PCK2: variants seen among roughly 807,000 people sequenced by gnomAD.
PCK2 encodes phosphoenolpyruvate carboxykinase [GTP], mitochondrial.
In PCK2, 56 loss-of-function variants were observed where a neutral mutation model predicts 65.9. The ratio of observed to expected loss-of-function variants is 0.85; its 90% CI spans 0.69 to 1.06. The LOEUF is 1.06. PCK2 is among the 50% of genes least tolerant of loss of function. The probability of loss-of-function intolerance (pLI) is 0.00; values close to 1 mark genes in which losing one functional copy is unlikely to be tolerated. For synonymous variants in PCK2, 305 were observed against 319.6 expected, an observed-to-expected ratio of 0.95 and a Z score of 0.49; for missense variants, 843 against 863.1, an observed-to-expected ratio of 0.98 and a Z score of 0.29.
chr14:24,094,664 C>G lies in PCK2; in HGVS notation c.29+230C>G. 6.6e-7 allele frequency: 1 copy of G among 1,512,200 alleles called. No individual in the cohort carries two copies. The highest frequency in any genetic ancestry group is 8.8e-7 in the Non-Finnish European group (1 of 1,132,748). The allele number at this position is 1,512,200 out of a possible 1,614,324, so 93.7% of individuals were successfully genotyped here. On this transcript the variant is annotated intron_variant, in intron 1 of 9. Transcript: ENST00000216780. This position sits in a 1 kb window ranked among gnomAD's most constrained non-coding sequence, Gnocchi z 4.1. ...CACCTCCCCTTCTCTGCCTCGCTCG[C>G]CTCTGACCGCGCGATCTCTATCTGC...
chr14:24,097,104 G>A lies in PCK2; in HGVS notation c.242G>A (p.Gly81Asp), dbSNP rs2138940435. 3 of 1,613,926 alleles carry A rather than the reference G, an allele frequency of 1.9e-6. No homozygotes were observed. The highest frequency in any genetic ancestry group is 2.5e-6 in the Non-Finnish European group (3 of 1,179,946). ...TATLTLLEQQGLIRKLPKYNN... is the reference protein window; with the variant it reads ...TATLTLLEQQDLIRKLPKYNN... ...ACACTGACCCTGCTGGAGCAGCAGG[G>A]CCTCATCCGAAAGCTCCCCAAGTAC... Residue 81 changes from glycine to aspartate, a missense_variant, in exon 2 of 10, where the codon GGC (glycine) becomes GAC (aspartate). Coordinates refer to ENST00000216780, the MANE Select transcript of PCK2 (RefSeq NM_004563.4).
chr14:24,104,062 C>T lies in PCK2; in HGVS notation c.*98C>T. The T allele has an allele frequency of 2.6e-6, 2 of 768,626 alleles. No homozygotes were observed. The highest frequency in any genetic ancestry group is 3.3e-5 in the South Asian group (2 of 59,840). The allele number at this position is 768,626 out of a possible 1,614,324, so 47.6% of individuals were successfully genotyped here. ...TGAGCAATTTGATATTAACTAACAT[C>T]TTCAATGTGCCATAGACCTTCCCAC... is the stretch of plus-strand genomic sequence containing the variant. On this transcript the variant is annotated 3_prime_UTR_variant, in exon 10 of 10. Transcript: ENST00000216780.
intron 7 of PCK2, chr14:24,100,473 T>C: frequency 2.4e-6 from 2 of 838,340 alleles, no homozygotes; most frequent in Non-Finnish European, 3.4e-6. Context: ...GTTGTGATAG[T>C]ACCTATCTCA....
chr14:24,099,851 C>T, intron 6 of PCK2, 131 bp downstream of exon 6: 4 of 1,542,532 alleles, frequency 2.6e-6, no homozygotes, highest in Non-Finnish European at 3.6e-6. Flanking sequence ...ATTCCTCTGG[C>T]AGCCCAGCCA....
intron 1 of PCK2, 94 bp from the exon 2 acceptor site, chr14:24,096,798 A>G: frequency 9.3e-7 from 1 of 1,081,010 alleles, no homozygotes; most frequent in Non-Finnish European, 1.4e-6. Context: ...GACATGTTTT[A>G]GCAGGCTGCA....
At chr14:24,098,792 TC>T in intron 4 of PCK2, 114 bp downstream of exon 4, 1 of 894,678 alleles carries the variant, frequency 1.1e-6, no homozygotes, top group Non-Finnish European at 1.7e-6. Flanking sequence ...GCAACCTAAT[TC>T]CCAAGATCCA....
intron 4 of PCK2, 138 bp downstream of exon 4, chr14:24,098,816 C>A: frequency 1.3e-6 from 1 of 782,516 alleles, no homozygotes; most frequent in South Asian, 1.6e-5. Flanking sequence ...GCAGCAGTCC[C>A]AGCAGAGGGA....
intron 1 of PCK2, chr14:24,095,056 C>T (rs915342719): frequency 2.2e-6 from 1 of 447,162 alleles, no homozygotes; most frequent in South Asian, 1.6e-5. Flanking sequence ...CTTCTTCCTC[C>T]GTCCAGGCCT....
chr14:24,103,970 G>T lies in PCK2; in HGVS notation c.*6G>T. The stretch of plus-strand genomic sequence containing the variant: ...GACGTGTGCACAAAATGTGACCTGA[G>T]GCCCTAGTCTAGCAAGAGGACATAG... On this transcript the variant is annotated 3_prime_UTR_variant, in exon 10 of 10. Transcript: ENST00000216780. 6.2e-7 allele frequency: 1 copy of T among 1,609,144 alleles called. No homozygotes were observed. Among genetic ancestry groups the T allele is most frequent in the East Asian group, 2.2e-5 (1 of 44,846 alleles).
intron 2 of PCK2, 57 bp from the exon 3 acceptor site, chr14:24,098,146 C>A (rs1037669148): frequency 3.6e-5 from 53 of 1,491,542 alleles, no homozygotes; most frequent in East Asian, 4.6e-5. Flanking sequence ...AAAAGTGGGT[C>A]TAGGGACAAG....
chr14:24,094,361 G>A lies in PCK2; in HGVS notation c.-45G>A. 1 of 1,519,086 alleles carries A rather than the reference G, an allele frequency of 6.6e-7. No homozygotes were observed. The highest frequency in any genetic ancestry group is 8.9e-7 in the Non-Finnish European group (1 of 1,129,310). 94.1% of individuals were successfully genotyped at this position (1,519,086 alleles called of 1,614,324 possible). On this transcript the variant is annotated 5_prime_UTR_variant, in exon 1 of 10. Transcript: ENST00000216780. The surrounding 1 kb of genome is among the most constrained non-coding windows in gnomAD (Gnocchi z 4.1). ...CTTCCCCGCCTTCCATACCTCCCCG[G>A]CTCCGCTCGGTTCCTGGCCACCCCG...
intron 1 of PCK2, among the ~76,000 whole-genome samples, chr14:24,096,333 G>A (rs1446987839): frequency 6.8e-6 from 1 of 146,062 alleles, no homozygotes; most frequent in Non-Finnish European, 1.5e-5. Context: ...CCACCTCCCG[G>A]GTTCAAGCGA....
At chr14:24,097,209 A>G (rs1250499837) in intron 2 of PCK2, 72 bp downstream of exon 2, 6 of 1,377,100 alleles carry the variant, frequency 4.4e-6, no homozygotes, top group Non-Finnish European at 6.2e-6. Context: ...GGCAAAATCA[A>G]CTTAACTAGA....
chr14:24,098,648 C>G lies in PCK2; in HGVS notation c.634C>G (p.His212Asp). The G allele has an allele frequency of 6.2e-7, 1 of 1,613,920 alleles. No individual in the cohort carries two copies. The highest frequency in any genetic ancestry group is 8.5e-7 in the Non-Finnish European group (1 of 1,180,004). Reference protein sequence around the residue: ...LGDGDFVKCLHSVGQPLTGQG... With the variant: ...LGDGDFVKCLDSVGQPLTGQG... ...AGATGGTGACTTTGTCAAGTGTCTG[C>G]ACTCCGTGGGCCAGCCCCTGACAGG... The change falls in exon 4 of 10, where the codon CAC (histidine) becomes GAC (aspartate). Residue 212 changes from histidine (H) to aspartate (D), a missense_variant. His to Asp is a moderately conservative substitution (Grantham distance 81). Coordinates refer to ENST00000216780, the MANE Select transcript of PCK2 (RefSeq NM_004563.4).
Position 24,098,469 on chromosome 14 carries a change from C to A in PCK2, c.461-6C>A. 1 of 1,613,952 alleles carries A rather than the reference C, an allele frequency of 6.2e-7. No homozygotes were observed. Among genetic ancestry groups the A allele is most frequent in the Non-Finnish European group, 8.5e-7 (1 of 1,179,922 alleles). ...CCCTTCATCCAGGGGATGCCTTCCT[C>A]CACAGGCCGCACCATGTATGTGCTT... On this transcript the variant is annotated splice_region_variant and splice_polypyrimidine_tract_variant and intron_variant, in intron 3 of 9. Transcript: ENST00000216780.
Position 24,094,472 on chromosome 14 carries a change from C to T in PCK2, c.29+38C>T, listed in dbSNP as rs76987776. On this transcript the variant is annotated intron_variant, in intron 1 of 9. Transcript: ENST00000216780. The surrounding 1 kb of genome is among the most constrained non-coding windows in gnomAD (Gnocchi z 4.1). ...CGGCCCGGGGCCCACCCGCACCTTC[C>T]GCTGCGCTCGCCCCCTCGGGGCTGC... 0.034 allele frequency: 51,054 copies of T among 1,501,146 alleles called. 3,310 individuals carry two copies. Among genetic ancestry groups the T allele is most frequent in the East Asian group, 0.22 (8,657 of 39,560 alleles). 93.0% of individuals were successfully genotyped at this position (1,501,146 alleles called of 1,614,324 possible).
At position 24,098,268 on chromosome 14, in the gene PCK2, C is replaced by T. The variant is rs2036985808; in HGVS notation, c.341C>T (p.Pro114Leu). 6.2e-7 allele frequency: 1 copy of T among 1,613,998 alleles called. No homozygotes were observed. ...RVESKTVIVT[P>L]SQRDTVPLPP... ...GAGAGCAAGACGGTGATTGTAACTCCTTCTCAGCGGGACACGGTACCACTC... is the reference window on the plus strand; with the variant it reads ...GAGAGCAAGACGGTGATTGTAACTCTTTCTCAGCGGGACACGGTACCACTC... The change falls in exon 3 of 10, where the codon CCT (proline) becomes CTT (leucine). Residue 114 changes from proline to leucine, a missense_variant. Physicochemically the swap from Pro to Leu is moderately conservative, Grantham distance 98. Transcript: ENST00000216780.
Position 24,098,385 on chromosome 14 carries a change from A to G in PCK2, c.458A>G (p.Gln153Arg), listed in dbSNP as rs1220808082. The G allele has an allele frequency of 1.9e-6, 3 of 1,611,866 alleles. No homozygotes were observed. The highest frequency in any genetic ancestry group is 1.7e-6 in the Non-Finnish European group (2 of 1,178,224). The change falls in exon 3 of 10, where the codon CAG becomes CGG. Residue 153 changes from glutamine (Q) to arginine (R), a missense_variant and splice_region_variant. Transcript: ENST00000216780. ...AVDERFPGCM[Q>R]GRTMYVLPFS... ...GATGAGAGGTTTCCAGGCTGCATGC[A>G]GGGTAACCAGGGCAGGGGCACAGTG...
intron 7 of PCK2, among the ~76,000 whole-genome samples, chr14:24,102,159 C>T (rs1330612930): frequency 4.6e-5 from 7 of 152,132 alleles, no homozygotes; most frequent in Admixed American, 6.5e-5. Context: ...ACCTGGGAGG[C>T]GGAGGTTGCA....
Sources: allele counts gnomAD v4.1 joint callset (sites outside exome capture counted in the v4.1 genomes callset), GRCh38; gene constraint gnomAD v4.1.1; non-coding constraint Gnocchi (gnomAD v3.1); transcripts MANE v1.5; gene names NCBI Gene and HGNC (gene_info 2026-07-23, HGNC 2026-07-21).